The following GRB10 variants were observed in gnomAD, a reference collection of about 807,000 sequenced individuals.
GRB10 encodes growth factor receptor bound protein 10, also known as growth factor receptor-bound protein 10.
In GRB10, 20 loss-of-function variants were observed where a neutral mutation model predicts 80.9. The observed-to-expected ratio is 0.25, with a 90% confidence interval of 0.17 to 0.36. The LOEUF (loss-of-function observed/expected upper bound fraction) is 0.36. Ranked by LOEUF, GRB10 falls within the 10% of genes least tolerant of loss-of-function variation. The pLI is 1.00. For synonymous variants in GRB10, 291 were observed against 291.5 expected (o/e 1.00, Z 0.02); for missense variants, 548 against 747.7 (o/e 0.73, Z 3.12).
intron 5 of GRB10, among the ~76,000 whole-genome samples, chr7:50,675,635 C>A (rs2060846517): frequency 6.6e-6 from 1 of 152,238 alleles, no homozygotes; most frequent in African/African-American, 2.4e-5. Context: ...TGAGCTGCAA[C>A]CCTTCCCTGG....
At chr7:50,725,403 T>C (rs1406518509) in intron 4 of GRB10, among the ~76,000 whole-genome samples, 1 of 152,178 alleles carries the variant, frequency 6.6e-6, no homozygotes, top group Non-Finnish European at 1.5e-5. Flanking sequence ...CAATTAAACC[T>C]CATTTCTTTA....
intron 7 of GRB10, among the ~76,000 whole-genome samples, chr7:50,643,261 A>G (rs778586603): frequency 4.6e-5 from 7 of 152,208 alleles, no homozygotes; most frequent in Non-Finnish European, 1.0e-4. Context: ...CACTGGGGAA[A>G]GACTTAATGA....
At chr7:50,606,619 T>C in intron 13 of GRB10, 3 of 588,992 alleles carry the variant, frequency 5.1e-6, no homozygotes, top group Non-Finnish European at 9.2e-6. Flanking sequence ...AATCCGAGTA[T>C]AGCTTTTGAC....
intron 3 of GRB10, among the ~76,000 whole-genome samples, chr7:50,733,956 A>G (rs1262315827): frequency 6.6e-6 from 1 of 152,228 alleles, no homozygotes; most frequent in African/African-American, 2.4e-5. Context: ...AGACTGTAGC[A>G]AACTCCTGCT....
intron 4 of GRB10, chr7:50,711,089 A>G: frequency 3.2e-6 from 2 of 627,166 alleles, no homozygotes; most frequent in East Asian, 5.4e-5. Context: ...AATGTCTTCC[A>G]CCTGGGAGAA....
rs369122199 is a variant in GRB10 at position 50,614,592 on chromosome 7, C to A, written c.1095+178G>T. ...CTTGTCCTTGAGCTTCTGAGCTACT[C>A]AAGGACTGATAGCAGCAAGTGTACA... On this transcript the variant is annotated intron_variant, in intron 12 of 18. Coordinates refer to ENST00000401949, the MANE Select transcript of GRB10 (RefSeq NM_001350814.2). 1.4e-4 allele frequency among the ~76,000 whole-genome samples: 21 copies of A among 148,604 alleles called. No homozygotes were observed. In the South Asian group the frequency reaches 4.6e-3, roughly 33 times the overall value.
intron 7 of GRB10, among the ~76,000 whole-genome samples, chr7:50,667,021 C>T (rs566565354): frequency 5.0e-4 from 62 of 123,914 alleles, no homozygotes; most frequent in Middle Eastern, 5.3e-3. Context: ...GCAGCCTGGG[C>T]GACAGAGCGA....
At chr7:50,683,076 G>T (rs1476798282) in intron 5 of GRB10, among the ~76,000 whole-genome samples, 1 of 152,176 alleles carries the variant, frequency 6.6e-6, no homozygotes, top group Non-Finnish European at 1.5e-5. Context: ...CAGCACAAGT[G>T]CCCCTCAACA....
At chr7:50,729,260 C>T (rs928906396) in intron 4 of GRB10, 2 of 152,180 alleles carry the variant, frequency 1.3e-5, no homozygotes, top group African/African-American at 4.8e-5. Flanking sequence ...AAAATAAAAA[C>T]ATTGCTTTTG....
intron 3 of GRB10, among the ~76,000 whole-genome samples, chr7:50,753,037 T>C (rs2074409128): frequency 6.6e-6 from 1 of 152,148 alleles, no homozygotes; most frequent in Non-Finnish European, 1.5e-5. Flanking sequence ...GGCTGGCTCT[T>C]AGAGGCAGTG....
At chr7:50,737,615 G>A (rs997561428) in intron 3 of GRB10, among the ~76,000 whole-genome samples, 5 of 152,234 alleles carry the variant, frequency 3.3e-5, no homozygotes, top group Admixed American at 1.3e-4. Flanking sequence ...TCGGGAGGCC[G>A]AGGCAGGTGG....
chr7:50,614,703 A>G, intron 12 of GRB10, 67 bp downstream of exon 12: 1 of 943,770 alleles, frequency 1.1e-6, no homozygotes, highest in South Asian at 1.3e-5. Flanking sequence ...AGTGCTGGGC[A>G]AGAGAAGAAG....
chr7:50,685,092 A>G (rs1013232294), intron 5 of GRB10, among the ~76,000 whole-genome samples: 23 of 152,194 alleles, frequency 1.5e-4, no homozygotes, highest in Admixed American at 1.3e-4. Flanking sequence ...ATCACATCCA[A>G]TGTTAACACT....
chr7:50,613,980 C>T (rs772726286), intron 12 of GRB10, among the ~76,000 whole-genome samples: 36 of 152,182 alleles, frequency 2.4e-4, no homozygotes, highest in Non-Finnish European at 4.4e-4. Context: ...AACTTCCTAT[C>T]CCACAAGGGG....
At chr7:50,632,927 A>G (rs949620781) in intron 7 of GRB10, among the ~76,000 whole-genome samples, 5 of 152,058 alleles carry the variant, frequency 3.3e-5, no homozygotes, top group South Asian at 2.1e-4. Flanking sequence ...GGCTTGCCAG[A>G]CCCAGCCATA....
chr7:50,712,619 C>T (rs556241585), intron 4 of GRB10, among the ~76,000 whole-genome samples: 1 of 152,318 alleles, frequency 6.6e-6, no homozygotes, highest in East Asian at 1.9e-4. Context: ...CTAAAAAACA[C>T]ACAGATCAGT....
intron 4 of GRB10, among the ~76,000 whole-genome samples, chr7:50,713,562 C>A (rs375270865): frequency 1.7e-4 from 25 of 151,244 alleles, no homozygotes; most frequent in African/African-American, 6.1e-4. Flanking sequence ...CCTCCACCTC[C>A]TCCACCATCT....
intron 3 of GRB10, among the ~76,000 whole-genome samples, chr7:50,739,058 G>A (rs112877928): frequency 0.023 from 3,471 of 152,154 alleles, 123 homozygotes; most frequent in African/African-American, 0.075. Flanking sequence ...CAGAAAAATC[G>A]TTCAAGCAGA....
rs190292401 is a variant in GRB10, at chr7:50,619,375, A to G, written c.662-90T>C. ...AAATGGAAGATTTGTTCAACTTTCTATTCTTCTTTAAACATTATGAATAAA... is the reference window on the plus strand; with the variant it reads ...AAATGGAAGATTTGTTCAACTTTCTGTTCTTCTTTAAACATTATGAATAAA... On this transcript the variant is annotated intron_variant, in intron 8 of 18. Transcript: ENST00000401949. 8.6e-3 allele frequency: 6,979 copies of G among 815,684 alleles called. 55 individuals are homozygous for G. Among genetic ancestry groups the G allele is most frequent in the Non-Finnish European group, 0.012 (5,425 of 465,184 alleles). The allele number at this position is 815,684 out of a possible 1,614,324, so 50.5% of individuals were successfully genotyped here. A position where few individuals can be genotyped will look rare whatever the true frequency, so the allele number is the denominator to read the frequency against.
Sources: gnomAD v4.1 joint callset for allele counts (sites outside exome capture counted in the v4.1 genomes callset) on GRCh38, gnomAD v4.1.1 for gene constraint, MANE v1.5 for transcripts, NCBI Gene and HGNC (gene_info 2026-07-23, HGNC 2026-07-21) for gene names.